Variants in ACVR1 observed in about 807,000 individuals in gnomAD.
ACVR1 encodes the protein activin receptor type-1.
A neutral mutation model predicts 57.1 loss-of-function variants in ACVR1; 38 were observed. The observed-to-expected ratio is 0.67, with a 90% CI of 0.51 to 0.87. The LOEUF (loss-of-function observed/expected upper bound fraction) is 0.87, where lower values mean the gene tolerates loss of function less well. Among genes scored for constraint, ACVR1 ranks in the 40% least tolerant of loss-of-function variants. ACVR1 has a pLI of 0.00. For missense variants in ACVR1, 463 were observed against 638.2 expected, an observed-to-expected ratio of 0.73 and a Z score of 2.96; for synonymous variants, 212 against 228.1, an observed-to-expected ratio of 0.93 and a Z score of 0.63.
At chr2:157,802,378 CAAAG>C (rs1687356631) in intron 2 of ACVR1, among the ~76,000 whole-genome samples, 1 of 152,062 alleles carries the variant, frequency 6.6e-6, no homozygotes, top group African/African-American at 2.4e-5. Flanking sequence ...GGAAGAGTCA[CAAAG>C]AGTCGGCGAA....
At chr2:157,779,256 A>G (rs571772221) in intron 4 of ACVR1, among the ~76,000 whole-genome samples, 13 of 152,380 alleles carry the variant, frequency 8.5e-5, no homozygotes, top group Non-Finnish European at 1.8e-4. Context: ...GTATGAATTC[A>G]GACATTTGTT....
At chr2:157,852,940 A>G (rs1187883230) in intron 1 of ACVR1, among the ~76,000 whole-genome samples, 2 of 152,226 alleles carry the variant, frequency 1.3e-5, no homozygotes, top group African/African-American at 2.4e-5. Flanking sequence ...TCAGTGGATT[A>G]CTTTAATAAA....
In ACVR1 at chr2:157,770,349, G is replaced by A. The variant is rs1210438965; in HGVS notation, c.790+19C>T. 15 of 1,613,460 alleles carry A rather than the reference G, an allele frequency of 9.3e-6. No homozygotes were observed. Among genetic ancestry groups the A allele is most frequent in the Non-Finnish European group, 1.2e-5 (14 of 1,179,562 alleles). ...TTCTCCCTAGATACAATTAATGAGG[G>A]GGTTATCCTTGTACTTACCTAAGAT... On this transcript the variant is annotated intron_variant, in intron 7 of 10. Coordinates refer to ENST00000434821, the MANE Select transcript of ACVR1 (RefSeq NM_001111067.4).
chr2:157,861,044 C>G (rs530360059), intron 1 of ACVR1, among the ~76,000 whole-genome samples: 1 of 152,298 alleles, frequency 6.6e-6, no homozygotes, highest in South Asian at 2.1e-4. Context: ...GCCTCTGTGC[C>G]TAGAAGGCCC....
chr2:157,867,410 G>GAACA (rs1030804775), intron 1 of ACVR1, among the ~76,000 whole-genome samples: 6 of 152,136 alleles, frequency 3.9e-5, no homozygotes, highest in Non-Finnish European at 5.9e-5. Context: ...TAGCCTACAG[G>GAACA]AACAAACAAA....
At chr2:157,863,623 G>C (rs867024619) in intron 1 of ACVR1, among the ~76,000 whole-genome samples, 58 of 151,128 alleles carry the variant, frequency 3.8e-4, no homozygotes, top group Middle Eastern at 3.4e-3. Flanking sequence ...CTTGAACCCA[G>C]GAGGCAGAGG....
At chr2:157,867,139 T>G (rs113892693) in intron 1 of ACVR1, among the ~76,000 whole-genome samples, 1 of 152,316 alleles carries the variant, frequency 6.6e-6, no homozygotes, top group East Asian at 1.9e-4. Context: ...CATTTTCTTT[T>G]AAGAGCAACA....
intron 3 of ACVR1, among the ~76,000 whole-genome samples, chr2:157,787,802 A>G (rs180681731): frequency 1.7e-4 from 26 of 152,256 alleles, no homozygotes; most frequent in African/African-American, 5.8e-4. Flanking sequence ...ACATTTAACA[A>G]TGGGCTCTAG....
intron 3 of ACVR1, among the ~76,000 whole-genome samples, chr2:157,788,950 C>T (rs1170240082): frequency 6.6e-6 from 1 of 152,134 alleles, no homozygotes; most frequent in East Asian, 1.9e-4. Context: ...TGTCTTCAAC[C>T]CCAGGAAGAT....
chr2:157,839,669 T>A (rs1005501018), intron 1 of ACVR1, among the ~76,000 whole-genome samples: 1 of 152,214 alleles, frequency 6.6e-6, no homozygotes, highest in Admixed American at 6.5e-5. Context: ...CATTATGACC[T>A]ACTGTAATCT....
chr2:157,842,107 C>A (rs1440337667), intron 1 of ACVR1, among the ~76,000 whole-genome samples: 2 of 151,674 alleles, frequency 1.3e-5, no homozygotes, highest in Non-Finnish European at 2.9e-5. Context: ...GGGAGTCATT[C>A]TAGGGAAACA....
intron 1 of ACVR1, among the ~76,000 whole-genome samples, chr2:157,829,498 A>G (rs1372788468): frequency 6.6e-6 from 1 of 152,170 alleles, no homozygotes; most frequent in Non-Finnish European, 1.5e-5. Context: ...GCTTAAAGCC[A>G]TCAATGGTTC....
At chr2:157,777,441 T>A (rs1182524852) in intron 5 of ACVR1, among the ~76,000 whole-genome samples, 4 of 152,234 alleles carry the variant, frequency 2.6e-5, no homozygotes, top group African/African-American at 4.8e-5. Context: ...AATAATTTTT[T>A]AATCGATTAT....
intron 2 of ACVR1, among the ~76,000 whole-genome samples, chr2:157,814,688 T>C (rs539230216): frequency 1.7e-4 from 26 of 152,236 alleles, no homozygotes; most frequent in Non-Finnish European, 3.4e-4. Context: ...TTATTCCCTA[T>C]AGCTTTGTTC....
intron 3 of ACVR1, among the ~76,000 whole-genome samples, chr2:157,791,548 C>G (rs1686912517): frequency 6.6e-6 from 1 of 152,214 alleles, no homozygotes; most frequent in Non-Finnish European, 1.5e-5. Flanking sequence ...TCACTGTGTG[C>G]CGGGCACTCG....
chr2:157,779,638 GA>G (rs1465088002), intron 4 of ACVR1, among the ~76,000 whole-genome samples: 1 of 152,194 alleles, frequency 6.6e-6, no homozygotes, highest in African/African-American at 2.4e-5. Flanking sequence ...TATGGTAAGA[GA>G]ATAAATTTGG....
rs1454956444 is a variant in ACVR1 at position 157,737,179 on chromosome 2, G to A, written c.*352C>T. On this transcript the variant is annotated 3_prime_UTR_variant, in exon 11 of 11. Transcript: ENST00000434821. ...ACCACCTCCTTGAGTTTCCCGTGGG[G>A]AGTGTCTAGGAGACTTGTGAAAGCT... The A allele has an allele frequency of 5.5e-6, 2 of 362,182 alleles. No homozygotes were observed. The highest frequency in any genetic ancestry group is 4.1e-5 in the African/African-American group (2 of 49,320). The allele number at this position is 362,182 out of a possible 1,614,324, so 22.4% of individuals were successfully genotyped here.
chr2:157,821,455 G>A (rs1244615652), intron 1 of ACVR1, among the ~76,000 whole-genome samples: 5 of 152,118 alleles, frequency 3.3e-5, no homozygotes, highest in African/African-American at 1.2e-4. Flanking sequence ...AACCCGGAAG[G>A]TGGAGGCTGC....
chr2:157,858,317 T>C (rs1574155712), intron 1 of ACVR1, among the ~76,000 whole-genome samples: 1 of 152,140 alleles, frequency 6.6e-6, no homozygotes. Context: ...ACTCATCCCT[T>C]GGACCAAGGT....
Sources: allele counts gnomAD v4.1 joint callset (sites outside exome capture counted in the v4.1 genomes callset), GRCh38; gene constraint gnomAD v4.1.1; transcripts MANE v1.5; gene names NCBI Gene and HGNC (gene_info 2026-07-23, HGNC 2026-07-21).